The following PPFIBP2 variants were observed in gnomAD, a reference collection of about 807,000 sequenced individuals.
PPFIBP2 encodes the protein PPFIB scaffold protein 2, also known as liprin-beta-2.
A neutral mutation model predicts 118.3 loss-of-function variants in PPFIBP2; 118 were observed. The observed-to-expected ratio is 1.00, with a 90% CI of 0.86 to 1.16. PPFIBP2 has a LOEUF of 1.16. PPFIBP2 is among the 50% of genes most tolerant of loss of function. The pLI is 0.00. For synonymous variants in PPFIBP2, 414 were observed against 397.4 expected (o/e 1.04, Z -0.50); for missense variants, 1,195 against 1,073.1 (o/e 1.11, Z -1.59).
chr11:7,644,471 C>G (rs566448231), intron 17 of PPFIBP2, among the ~76,000 whole-genome samples: 15 of 152,172 alleles, frequency 9.9e-5, no homozygotes, highest in Admixed American at 7.2e-4. Flanking sequence ...CCCACCTTTG[C>G]GGAGTGTTTT....
At chr11:7,648,671 G>T in intron 18 of PPFIBP2, 129 bp from the exon 19 acceptor site, 2 of 1,458,166 alleles carry the variant, frequency 1.4e-6, no homozygotes, top group East Asian at 2.3e-5. Context: ...GTAGCTGCAG[G>T]TTGGCATCCC....
chr11:7,547,643 T>C (rs1240326778), intron 1 of PPFIBP2, among the ~76,000 whole-genome samples: 1 of 152,110 alleles, frequency 6.6e-6, no homozygotes, highest in Admixed American at 6.5e-5. Context: ...GCGGCCTGGC[T>C]GCTCCTCTCA....
intron 1 of PPFIBP2, among the ~76,000 whole-genome samples, chr11:7,521,595 C>T (rs770387413): frequency 3.3e-5 from 5 of 152,138 alleles, no homozygotes; most frequent in Non-Finnish European, 7.4e-5. Context: ...ATACATATCA[C>T]ATCAAACAAA....
intron 2 of PPFIBP2, among the ~76,000 whole-genome samples, chr11:7,565,184 G>A (rs1039485575): frequency 6.6e-6 from 1 of 152,146 alleles, no homozygotes; most frequent in African/African-American, 2.4e-5. Context: ...TTTTTACACT[G>A]TCCAGCCCGA....
At chr11:7,640,681 A>T (rs910330623) in intron 15 of PPFIBP2, among the ~76,000 whole-genome samples, 5 of 152,168 alleles carry the variant, frequency 3.3e-5, no homozygotes, top group African/African-American at 1.2e-4. Context: ...CTATGGCTTC[A>T]GATTGTTCTA....
chr11:7,597,442 A>G (rs1860548734), intron 4 of PPFIBP2, 118 bp from the exon 5 acceptor site: 2 of 1,533,464 alleles, frequency 1.3e-6, no homozygotes, highest in Non-Finnish European at 1.8e-6. Flanking sequence ...AAAAATCAAA[A>G]TCGTTCACTG....
intron 2 of PPFIBP2, among the ~76,000 whole-genome samples, chr11:7,552,761 C>T (rs866430103): frequency 3.9e-5 from 6 of 152,118 alleles, no homozygotes; most frequent in Non-Finnish European, 7.4e-5. Context: ...CTTGCCCCCC[C>T]CTCTCCTGGA....
In PPFIBP2 at chr11:7,651,800, G is replaced by T. The variant is rs181394586; in HGVS notation, c.2392G>T (p.Ala798Ser). The T allele has an allele frequency of 2.2e-5, 35 of 1,613,806 alleles. No homozygotes were observed. The East Asian group carries it at 7.8e-4, about 36-fold the overall frequency. Residue 798 changes from alanine to serine, a missense_variant, in exon 23 of 24, where the codon GCC becomes TCC. Ala to Ser is a moderately conservative substitution (Grantham distance 99). Coordinates refer to ENST00000299492, the MANE Select transcript of PPFIBP2 (RefSeq NM_003621.5). ...EAEQEKREKM[A>S]SPAYTPLTTT... Reference sequence around the variant, plus strand: ...TGAACAGGAGAAGCGAGAGAAAATGGCCTCACCAGCTTACACACCACTGAC... The same window carrying T: ...TGAACAGGAGAAGCGAGAGAAAATGTCCTCACCAGCTTACACACCACTGAC...
At chr11:7,653,868 C>G, downstream of PPFIBP2, 1 of 1,058,728 alleles carries the variant, frequency 9.4e-7, no homozygotes, top group Admixed American at 3.9e-5. Context: ...GAGCCTAGTC[C>G]TCAGCCAGGT....
the PPFIBP2 span, among the ~76,000 whole-genome samples, chr11:7,662,606 G>A: frequency 6.7e-6 from 1 of 149,142 alleles, no homozygotes; most frequent in African/African-American, 2.4e-5. Flanking sequence ...CAACTTTGGT[G>A]AATCTGACAA....
intron 2 of PPFIBP2, 53 bp downstream of exon 2, chr11:7,549,592 C>A: frequency 5.8e-6 from 8 of 1,387,510 alleles, no homozygotes; most frequent in Non-Finnish European, 6.7e-6. Context: ...ATTCCAGGAA[C>A]TGCTTCTCTC....
Position 7,653,336 on chromosome 11 carries a change from A to C in PPFIBP2, c.*118A>C, listed in dbSNP as rs140206047. 6.6e-6 allele frequency: 10 copies of C among 1,507,884 alleles called. No individual in the cohort carries two copies. Among genetic ancestry groups the C allele is most frequent in the Non-Finnish European group, 8.8e-6 (10 of 1,132,234 alleles). 93.4% of individuals were successfully genotyped at this position (1,507,884 alleles called of 1,614,324 possible). On this transcript the variant is annotated 3_prime_UTR_variant, in exon 24 of 24. Coordinates refer to ENST00000299492, the MANE Select transcript of PPFIBP2 (RefSeq NM_003621.5). ...ATGACTCGCAGAGAATATTCCAGCA[A>C]TTGTGTACCCCTGGGCCAGTCTCTT...
At chr11:7,623,223 T>G (rs1265142260) in intron 7 of PPFIBP2, among the ~76,000 whole-genome samples, 4 of 152,186 alleles carry the variant, frequency 2.6e-5, no homozygotes, top group Non-Finnish European at 5.9e-5. Flanking sequence ...CCTCTCAGTC[T>G]CTGAAGGGGA....
In PPFIBP2 at chr11:7,640,165, G is replaced by A. The variant is rs79063189; in HGVS notation, c.1375+295G>A. 5.6e-3 allele frequency among the ~76,000 whole-genome samples: 843 copies of A among 151,850 alleles called. 5 individuals are homozygous for A. Among genetic ancestry groups the A allele is most frequent in the African/African-American group, 0.019 (796 of 41,370 alleles). On this transcript the variant is annotated intron_variant, in intron 15 of 23. Transcript: ENST00000299492. ...CCTCTCTTCTTCTCTTCCTCCTCTC[G>A]AACTCTTTCCTGTCCTTCCTAGCAT...
In PPFIBP2 at chr11:7,641,534, A is replaced by G; in HGVS notation, c.1431A>G (p.Thr477=). 2 of 1,613,810 alleles carry G rather than the reference A, an allele frequency of 1.2e-6. No individual in the cohort carries two copies. The highest frequency in any genetic ancestry group is 1.7e-6 in the Non-Finnish European group (2 of 1,179,630). ...CTGTGGTCAATGACCTCTCATCCAC[A>G]TCATCGGGCACTGAATCAGGTCCTC... is the stretch of plus-strand genomic sequence containing the variant. The part of the protein sequence containing the change: ...DTAVVNDLSS[T]SSGTESGPQS... The change falls in exon 16 of 24, where the codon ACA becomes ACG. Residue 477 remains threonine (T), a synonymous_variant. Coordinates refer to ENST00000299492, the MANE Select transcript of PPFIBP2 (RefSeq NM_003621.5).
chr11:7,518,076 G>A (rs772988044), intron 1 of PPFIBP2, among the ~76,000 whole-genome samples: 1 of 152,248 alleles, frequency 6.6e-6, no homozygotes, highest in Non-Finnish European at 1.5e-5. Flanking sequence ...CCGTGGGCCT[G>A]CAGGGCCCCT....
chr11:7,665,128 C>G, the PPFIBP2 span: 1 of 374,044 alleles, frequency 2.7e-6, no homozygotes, highest in Non-Finnish European at 4.8e-6. Context: ...GTTTATTTCA[C>G]AAAACCACGG....
At chr11:7,527,828 C>T (rs376718548) in intron 1 of PPFIBP2, among the ~76,000 whole-genome samples, 37 of 152,146 alleles carry the variant, frequency 2.4e-4, no homozygotes, top group African/African-American at 8.4e-4. Context: ...AAACAACTGG[C>T]GGCATGATTT....
At chr11:7,612,694 C>G (rs967725426) in intron 6 of PPFIBP2, among the ~76,000 whole-genome samples, 10 of 152,242 alleles carry the variant, frequency 6.6e-5, no homozygotes, top group African/African-American at 2.4e-4. Context: ...GATAACAGCC[C>G]TTCCCAGTTG....
Sources: allele counts gnomAD v4.1 joint callset (sites outside exome capture counted in the v4.1 genomes callset), GRCh38; gene constraint gnomAD v4.1.1; transcripts MANE v1.5; gene names NCBI Gene and HGNC (gene_info 2026-07-23, HGNC 2026-07-21).